SCAMP1: variants seen among roughly 807,000 people sequenced by gnomAD.
The protein encoded by SCAMP1 is secretory carrier-associated membrane protein 1.
A neutral mutation model predicts 41.8 loss-of-function variants in SCAMP1; 15 were observed. That is an observed-to-expected ratio of 0.36 (90% confidence interval 0.24 to 0.55). SCAMP1 has a LOEUF of 0.55. Ranked by LOEUF, SCAMP1 falls within the 20% of genes least tolerant of loss-of-function variation. The probability of loss-of-function intolerance (pLI) is 0.86; values close to 1 mark genes in which losing one functional copy is unlikely to be tolerated. For missense variants in SCAMP1, 341 were observed against 412.6 expected, an observed-to-expected ratio of 0.83 and a Z score of 1.50; for synonymous variants, 135 against 136.8, an observed-to-expected ratio of 0.99 and a Z score of 0.09.
chr5:78,393,087 T>G (rs1276542178), intron 2 of SCAMP1, among the ~76,000 whole-genome samples: 1 of 152,176 alleles, frequency 6.6e-6, no homozygotes, highest in Non-Finnish European at 1.5e-5. Context: ...TTTATTAAAA[T>G]TGTTTTCTTC....
At chr5:78,406,786 C>T (rs1158249618) in intron 2 of SCAMP1, among the ~76,000 whole-genome samples, 2 of 152,150 alleles carry the variant, frequency 1.3e-5, no homozygotes, top group African/African-American at 2.4e-5. Flanking sequence ...AGCATGTAGT[C>T]TATTCCCAGT....
At chr5:78,416,781 A>G (rs928064863) in intron 4 of SCAMP1, 132 bp downstream of exon 4, 14 of 620,780 alleles carry the variant, frequency 2.3e-5, no homozygotes, top group African/African-American at 3.7e-5. Context: ...GAGATCAGAC[A>G]CAGCAGATTG....
chr5:78,394,413 G>A (rs1463526603), intron 2 of SCAMP1, among the ~76,000 whole-genome samples: 2 of 151,978 alleles, frequency 1.3e-5, no homozygotes, highest in Non-Finnish European at 2.9e-5. Context: ...TATAGACACA[G>A]GTTCTTGCTT....
intron 8 of SCAMP1, among the ~76,000 whole-genome samples, chr5:78,462,899 A>G (rs1753652043): frequency 6.6e-6 from 1 of 152,250 alleles, no homozygotes; most frequent in Non-Finnish European, 1.5e-5. Flanking sequence ...GTTTTAAATG[A>G]AAAAGACTTT....
chr5:78,446,914 C>T (rs1181916303), intron 6 of SCAMP1, among the ~76,000 whole-genome samples: 3 of 152,262 alleles, frequency 2.0e-5, no homozygotes, highest in African/African-American at 7.2e-5. Context: ...GTCTCCAACC[C>T]CTGGGCTGTG....
intron 6 of SCAMP1, among the ~76,000 whole-genome samples, chr5:78,443,733 C>A (rs1752986819): frequency 1.6e-5 from 2 of 122,534 alleles, no homozygotes; most frequent in Admixed American, 1.1e-4. Context: ...AACCATTGTT[C>A]ATTGCTGCTT....
chr5:78,464,832 C>A (rs994571290), intron 8 of SCAMP1, among the ~76,000 whole-genome samples: 1 of 152,120 alleles, frequency 6.6e-6, no homozygotes, highest in Non-Finnish European at 1.5e-5. Flanking sequence ...TTTGTCCTCT[C>A]GGAGAATCAC....
At chr5:78,435,416 C>T (rs544316065) in intron 6 of SCAMP1, among the ~76,000 whole-genome samples, 30 of 152,242 alleles carry the variant, frequency 2.0e-4, no homozygotes, top group East Asian at 9.6e-4. Flanking sequence ...TGATGTTCCC[C>T]GCCCTGCGTC....
intron 1 of SCAMP1, among the ~76,000 whole-genome samples, chr5:78,377,069 T>C (rs1472270574): frequency 6.6e-6 from 1 of 152,020 alleles, no homozygotes; most frequent in East Asian, 1.9e-4. Context: ...TCCCTTTTCC[T>C]TTTTTTCCCC....
chr5:78,466,248 CAG>C (rs1274599492), intron 8 of SCAMP1, among the ~76,000 whole-genome samples: 2 of 152,170 alleles, frequency 1.3e-5, no homozygotes, highest in East Asian at 3.8e-4. Context: ...TGCATGAGCT[CAG>C]AGAGATCACC....
At chr5:78,361,398 G>A (rs1750648194) in intron 1 of SCAMP1, among the ~76,000 whole-genome samples, 1 of 152,128 alleles carries the variant, frequency 6.6e-6, no homozygotes, top group African/African-American at 2.4e-5. Context: ...GCACGTGGAC[G>A]ACCTCTTCCC....
chr5:78,386,850 T>A (rs747107479), intron 1 of SCAMP1, among the ~76,000 whole-genome samples: 6 of 152,222 alleles, frequency 3.9e-5, no homozygotes, highest in Non-Finnish European at 7.3e-5. Flanking sequence ...TTTTTCTTTA[T>A]AGGTTACCTG....
chr5:78,458,820 CAAT>C (rs1405234202), intron 7 of SCAMP1, among the ~76,000 whole-genome samples: 1 of 152,122 alleles, frequency 6.6e-6, no homozygotes, highest in African/African-American at 2.4e-5. Context: ...GCGGAGATTA[CAAT>C]GAGCCGAGAT....
At chr5:78,417,774 G>A (rs1278581560) in intron 4 of SCAMP1, among the ~76,000 whole-genome samples, 2 of 152,106 alleles carry the variant, frequency 1.3e-5, no homozygotes, top group Non-Finnish European at 1.5e-5. Flanking sequence ...ATTCACTGCC[G>A]CTTCTCAAAT....
intron 1 of SCAMP1, among the ~76,000 whole-genome samples, chr5:78,376,892 G>T (rs979265405): frequency 6.6e-6 from 1 of 152,136 alleles, no homozygotes; most frequent in Non-Finnish European, 1.5e-5. Context: ...GAAATGTGAG[G>T]TATCTTGCTG....
intron 6 of SCAMP1, among the ~76,000 whole-genome samples, chr5:78,429,892 A>G (rs1227419620): frequency 6.6e-6 from 1 of 151,920 alleles, no homozygotes; most frequent in African/African-American, 2.4e-5. Flanking sequence ...GCTATGGAGA[A>G]TAAAGCTTCA....
chr5:78,395,176 C>A (rs932007088), intron 2 of SCAMP1, among the ~76,000 whole-genome samples: 1 of 152,244 alleles, frequency 6.6e-6, no homozygotes, highest in Admixed American at 6.5e-5. Context: ...TAATTTTTTT[C>A]GTAGACCATT....
intron 1 of SCAMP1, among the ~76,000 whole-genome samples, chr5:78,365,226 G>A (rs1340342485): frequency 2.0e-5 from 3 of 152,026 alleles, no homozygotes; most frequent in Non-Finnish European, 4.4e-5. Flanking sequence ...TGTAATCCCA[G>A]CACTTTGGGA....
intron 6 of SCAMP1, among the ~76,000 whole-genome samples, chr5:78,445,990 G>A (rs955458622): frequency 6.6e-6 from 1 of 152,142 alleles, no homozygotes; most frequent in Non-Finnish European, 1.5e-5. Context: ...GAATTTTATT[G>A]TCTCCTTATT....
Sources: gnomAD v4.1 joint callset for allele counts (sites outside exome capture counted in the v4.1 genomes callset) on GRCh38, gnomAD v4.1.1 for gene constraint, MANE v1.5 for transcripts, NCBI Gene and HGNC (gene_info 2026-07-23, HGNC 2026-07-21) for gene names.